The following SLC8B1 variants were observed in gnomAD, a reference collection of about 807,000 sequenced individuals.
SLC8B1 encodes mitochondrial sodium/calcium exchanger protein.
In SLC8B1, 52 loss-of-function variants were observed where a neutral mutation model predicts 63.4. The observed-to-expected ratio is 0.82, with a 90% CI of 0.66 to 1.03. The LOEUF (loss-of-function observed/expected upper bound fraction) is 1.03, where lower values mean the gene tolerates loss of function less well. SLC8B1 is among the 50% of genes least tolerant of loss of function. The pLI, the probability that SLC8B1 is intolerant of heterozygous loss-of-function variation, is 0.00. For synonymous variants in SLC8B1, 336 were observed against 323.9 expected (o/e 1.04, Z -0.40); for missense variants, 657 against 741.7 (o/e 0.89, Z 1.33).
At chr12:113,302,502 G>C (rs1956602319) in intron 15 of SLC8B1, 1 of 392,150 alleles carries the variant, frequency 2.6e-6, no homozygotes, top group Non-Finnish European at 5.2e-6. Flanking sequence ...ACTATCTATG[G>C]TATACATGTC....
At chr12:113,332,336 A>G (rs1424087841) in intron 2 of SLC8B1, among the ~76,000 whole-genome samples, 1 of 152,130 alleles carries the variant, frequency 6.6e-6, no homozygotes, top group African/African-American at 2.4e-5. Context: ...CAGTGGTACA[A>G]TCCTGGCTCA....
chr12:113,318,367 TTG>T lies in SLC8B1; in HGVS notation c.802+595_802+596del, dbSNP rs201980293. On this transcript the variant is annotated intron_variant, in intron 8 of 15. Coordinates refer to ENST00000680972, the MANE Select transcript of SLC8B1 (RefSeq NM_001358345.2). The stretch of plus-strand genomic sequence containing the variant: ...GTGTGTGCATGTACTCCTATGTGTG[TTG>T]TGTGTGTTGTATATGTGTGCATGTA... Among the ~76,000 whole-genome samples, 1,352 of 151,920 alleles carry T rather than the reference TTG, an allele frequency of 8.9e-3. 7 individuals carry two copies. Among genetic ancestry groups the T allele is most frequent in the African/African-American group, 0.021 (870 of 41,274 alleles).
rs1261068205 is a variant in SLC8B1 at position 113,321,062 on chromosome 12, G to C, written c.356C>G (p.Ala119Gly). The change falls in exon 4 of 16, where the codon GCC (alanine) becomes GGC (glycine). Residue 119 changes from alanine to glycine, a missense_variant. Ala to Gly is a moderately conservative substitution (Grantham distance 60, BLOSUM62 0). Coordinates refer to ENST00000680972, the MANE Select transcript of SLC8B1 (RefSeq NM_001358345.2). ...AGCCCAGAGCCAAACTCACAACTTG[G>C]CTGCGGTGACTCCCAGAATCAGAAA... ...YLFLILGVTA[A>G]KFFCPNLSAI... 2 of 1,612,870 alleles carry C rather than the reference G, an allele frequency of 1.2e-6. No individual in the cohort carries two copies.
intron 15 of SLC8B1, chr12:113,302,842 C>G: frequency 2.5e-6 from 1 of 398,010 alleles, no homozygotes; most frequent in South Asian, 1.8e-5. Context: ...TAGACATGTA[C>G]ATCAATTCTG....
intron 2 of SLC8B1, 79 bp from the exon 3 acceptor site, chr12:113,321,427 C>T: frequency 3.8e-6 from 6 of 1,586,758 alleles, no homozygotes; most frequent in Non-Finnish European, 5.2e-6. Context: ...AGCAGCTAAA[C>T]ATAATGTCCC....
Position 113,320,480 on chromosome 12 carries a change from G to GT in SLC8B1, c.544dup (p.Thr182AsnfsTer100). ...GGTAATGCCTCCGGCCACCACTGTG[G>GT]TAACCAGCACGCCAGCGCCTGGGGG... On this transcript the variant is annotated frameshift_variant, in exon 7 of 16. Coordinates refer to ENST00000680972, the MANE Select transcript of SLC8B1 (RefSeq NM_001358345.2). LOFTEE classifies it high-confidence loss of function. This position sits in a 1 kb window ranked among gnomAD's most constrained non-coding sequence, Gnocchi z 5.3. The GT allele has an allele frequency of 1.2e-6, 2 of 1,614,112 alleles. No homozygotes were observed. The highest frequency in any genetic ancestry group is 2.7e-5 in the African/African-American group (2 of 75,048).
Position 113,307,752 on chromosome 12 carries a change from G to A in SLC8B1, c.1350C>T (p.Val450=). ...CCAGCACAGTGTTGCTCAGCCGGAA[G>A]ACCACACCCAGGGACCGCAAGATGT... The part of the protein sequence containing the change: ...VVNILRSLGV[V]FRLSNTVLGL... The change falls in exon 13 of 16, where the codon GTC becomes GTT. Residue 450 remains valine (V), a synonymous_variant. Transcript: ENST00000680972. 6.2e-7 allele frequency: 1 copy of A among 1,614,050 alleles called. No homozygotes were observed. The highest frequency in any genetic ancestry group is 8.5e-7 in the Non-Finnish European group (1 of 1,180,024).
At chr12:113,306,355 T>C (rs1289410325) in intron 14 of SLC8B1, 140 bp downstream of exon 14, 3 of 634,252 alleles carry the variant, frequency 4.7e-6, no homozygotes, top group African/African-American at 3.7e-5. Context: ...TTTTAAAGCC[T>C]TGGAGCCTGA....
chr12:113,300,197 G>T (rs565733345), intron 15 of SLC8B1, among the ~76,000 whole-genome samples: 5 of 152,332 alleles, frequency 3.3e-5, no homozygotes, highest in Admixed American at 3.3e-4. Context: ...TGCAATCTCA[G>T]CCGAGCACAG....
At chr12:113,331,311 C>T (rs1401146617) in intron 2 of SLC8B1, among the ~76,000 whole-genome samples, 1 of 151,324 alleles carries the variant, frequency 6.6e-6, no homozygotes, top group Non-Finnish European at 1.5e-5. Context: ...TCGCTTGAAC[C>T]CGGGAGGTGG....
intron 2 of SLC8B1, among the ~76,000 whole-genome samples, chr12:113,324,197 C>T (rs1277097586): frequency 1.4e-4 from 21 of 151,824 alleles, no homozygotes. Flanking sequence ...CCTGTGGTTC[C>T]AGCTACTTCA....
intron 12 of SLC8B1, chr12:113,308,750 C>A (rs1447888935): frequency 6.6e-6 from 1 of 152,180 alleles, no homozygotes; most frequent in African/African-American, 2.4e-5. Flanking sequence ...CTAAATGATC[C>A]ATTTGCTGAA....
intron 1 of SLC8B1, among the ~76,000 whole-genome samples, 151 bp from the exon 2 acceptor site, chr12:113,333,111 C>A (rs1423157036): frequency 1.3e-5 from 2 of 152,264 alleles, no homozygotes. Context: ...CACAGTCTCG[C>A]TGGAGGGGCC....
At chr12:113,314,059 G>A (rs1395854190) in intron 11 of SLC8B1, among the ~76,000 whole-genome samples, 3 of 152,096 alleles carry the variant, frequency 2.0e-5, no homozygotes, top group African/African-American at 4.8e-5. Context: ...ATGCCACAAC[G>A]CTTGTGAAAG....
In SLC8B1 at chr12:113,316,517, C is replaced by T. The variant is rs1183207479; in HGVS notation, c.993+9G>A. ...GAAGGCTGTGAGCCTGGCTCCAGGA[C>T]CCTCCTACCTTGAACACCTTGAGGG... On this transcript the variant is annotated intron_variant, in intron 10 of 15. Coordinates refer to ENST00000680972, the MANE Select transcript of SLC8B1 (RefSeq NM_001358345.2). 6.2e-7 allele frequency: 1 copy of T among 1,612,790 alleles called. No individual in the cohort carries two copies. The highest frequency in any genetic ancestry group is 8.5e-7 in the Non-Finnish European group (1 of 1,179,278).
At chr12:113,315,518 C>A in intron 10 of SLC8B1, 42 bp from the exon 11 acceptor site, 1 of 1,507,676 alleles carries the variant, frequency 6.6e-7, no homozygotes, top group South Asian at 1.3e-5. Flanking sequence ...GCAGGGAAGT[C>A]TGAATCCCAG....
At chr12:113,302,927 G>A (rs942113198) in intron 15 of SLC8B1, among the ~76,000 whole-genome samples, 1 of 152,056 alleles carries the variant, frequency 6.6e-6, no homozygotes, top group East Asian at 1.9e-4. Flanking sequence ...GTACACCATG[G>A]ACATCCTTCC....
chr12:113,309,042 A>T (rs1452990937), intron 12 of SLC8B1, among the ~76,000 whole-genome samples: 1 of 151,492 alleles, frequency 6.6e-6, no homozygotes, highest in African/African-American at 2.4e-5. Context: ...TTTAGTAGAG[A>T]CAGGGTTTCG....
chr12:113,303,061 CACACACACGT>C (rs1424397328), intron 15 of SLC8B1, among the ~76,000 whole-genome samples: 12 of 142,978 alleles, frequency 8.4e-5, no homozygotes, highest in Admixed American at 8.2e-4. Context: ...TAGACACACA[CACACACACGT>C]ACACACACAC....
Sources: allele counts gnomAD v4.1 joint callset (sites outside exome capture counted in the v4.1 genomes callset), GRCh38; gene constraint gnomAD v4.1.1; non-coding constraint Gnocchi (gnomAD v3.1); transcripts MANE v1.5; gene names NCBI Gene and HGNC (gene_info 2026-07-23, HGNC 2026-07-21).